GAREM2: variants seen among roughly 807,000 people sequenced by gnomAD.
GAREM2 encodes the protein GRB2-associated and regulator of MAPK protein 2.
Under a neutral mutation model 55.6 loss-of-function variants are expected in GAREM2, and 30 were observed. The observed-to-expected ratio is 0.54, with a 90% CI of 0.40 to 0.73. The LOEUF is 0.73. GAREM2 is among the 30% of genes least tolerant of loss of function. GAREM2 has a pLI of 0.00. For missense variants in GAREM2, 1,075 were observed against 1,257.7 expected (o/e 0.85, Z 2.20); for synonymous variants, 550 against 569.1 (o/e 0.97, Z 0.48).
downstream of GAREM2, chr2:26,191,184 T>G (rs1445171075): frequency 1.3e-6 from 2 of 1,498,748 alleles, no homozygotes; most frequent in African/African-American, 2.8e-5. Context: ...GACACCACTC[T>G]GTTGGAGAAC....
the GAREM2 span, among the ~76,000 whole-genome samples, chr2:26,197,140 T>G: frequency 2.6e-5 from 4 of 152,368 alleles, no homozygotes; most frequent in Admixed American, 1.3e-4. Context: ...TGAGTTGTTT[T>G]ACTTCTCTTT....
intron 2 of GAREM2, chr2:26,181,561 T>G (rs1445742876): frequency 6.6e-6 from 1 of 152,246 alleles, no homozygotes; most frequent in Non-Finnish European, 1.5e-5. Flanking sequence ...AGACTGTATT[T>G]TACACAGATT....
chr2:26,180,901 G>A (rs1435759280), intron 2 of GAREM2: 2 of 985,454 alleles, frequency 2.0e-6, no homozygotes, highest in Non-Finnish European at 2.4e-6. Flanking sequence ...ACAAGCGTGA[G>A]CCACCGTGCC....
rs537981003 is a variant in GAREM2 at position 26,188,078 on chromosome 2, C to A, written c.2446C>A (p.Arg816Ser). 7.1e-6 allele frequency: 11 copies of A among 1,548,582 alleles called. No individual in the cohort carries two copies. The East Asian group carries it at 2.7e-4, about 38-fold the overall frequency. ...LSALSLEEVS[R>S]SLRFIGLSED... ...TGCACTCTCCCTGGAGGAGGTCTCT[C>A]GCAGTCTGCGTTTCATCGGGCTCTC... is the stretch of plus-strand genomic sequence containing the variant. Residue 816 changes from arginine to serine, a missense_variant, in exon 6 of 6, where the codon CGC (arginine) becomes AGC (serine). Physicochemically the swap from Arg to Ser is moderately radical, Grantham distance 110. Transcript: ENST00000401533.
At chr2:26,182,042 T>C (rs1281265247) in intron 2 of GAREM2, 1 of 1,006,546 alleles carries the variant, frequency 9.9e-7, no homozygotes, top group Non-Finnish European at 1.2e-6. Flanking sequence ...CACCTATTCA[T>C]GGCTCTCTTC....
Position 26,184,573 on chromosome 2 carries a change from C to G in GAREM2, c.725C>G (p.Pro242Arg). 6.5e-7 allele frequency: 1 copy of G among 1,548,228 alleles called. No homozygotes were observed. The highest frequency in any genetic ancestry group is 8.7e-7 in the Non-Finnish European group (1 of 1,146,076). Reference protein sequence around the residue: ...QCQGRFSTRSPLELQMQEGEH... With the variant: ...QCQGRFSTRSRLELQMQEGEH... ...CAGGGCCGCTTCAGCACTCGCAGCCCGCTGGAGCTGCAGATGCAAGAGGGC... is the reference window on the plus strand; with the variant it reads ...CAGGGCCGCTTCAGCACTCGCAGCCGGCTGGAGCTGCAGATGCAAGAGGGC... Residue 242 changes from proline (P) to arginine (R), a missense_variant, in exon 4 of 6, where the codon CCG (proline) becomes CGG (arginine). Pro to Arg is a moderately radical substitution (Grantham distance 103). Transcript: ENST00000401533.
Position 26,187,799 on chromosome 2 carries a change from A to G in GAREM2, c.2167A>G (p.Arg723Gly), listed in dbSNP as rs561457600. Residue 723 changes from arginine (R) to glycine (G), a missense_variant, in exon 6 of 6, where the codon AGA becomes GGA. Arg to Gly is a moderately radical substitution (Grantham distance 125). Transcript: ENST00000401533. ...TGAGCTGCTGCGTTCTCAGGAGCCC[A>G]GAGCAGTGGGGACACCTGGGCCTGG... ...EPELLRSQEP[R>G]AVGTPGPGPR... 2 of 1,444,662 alleles carry G rather than the reference A, an allele frequency of 1.4e-6. No individual in the cohort carries two copies. The highest frequency in any genetic ancestry group is 3.0e-5 in the South Asian group (2 of 66,348). 89.5% of individuals were successfully genotyped at this position (1,444,662 alleles called of 1,614,324 possible).
At position 26,188,407 on chromosome 2, in the gene GAREM2, G is replaced by A; in HGVS notation, c.*150G>A. 1.8e-6 allele frequency: 1 copy of A among 558,424 alleles called. No homozygotes were observed. The highest frequency in any genetic ancestry group is 3.0e-6 in the Non-Finnish European group (1 of 338,330). The allele number at this position is 558,424 out of a possible 1,614,324, so 34.6% of individuals were successfully genotyped here. ...GGGTGGATCCAGGGGAGATGCATGT[G>A]GAAATGTGGTCCTCTGGGGTCAGAC... On this transcript the variant is annotated 3_prime_UTR_variant, in exon 6 of 6. Coordinates refer to ENST00000401533, the MANE Select transcript of GAREM2 (RefSeq NM_001168241.2).
At chr2:26,194,504 A>G (rs1192703773), downstream of GAREM2, 4 of 978,656 alleles carry the variant, frequency 4.1e-6, no homozygotes, top group African/African-American at 6.3e-5. Context: ...TTATCTTGAC[A>G]TCATGAGTTT....
At chr2:26,197,914 C>G in the GAREM2 span, 1 of 716,466 alleles carries the variant, frequency 1.4e-6, no homozygotes, top group South Asian at 1.4e-5. Context: ...TGTCACTCAC[C>G]CAGACATTGA....
the GAREM2 span, among the ~76,000 whole-genome samples, chr2:26,195,556 A>G: frequency 6.8e-6 from 1 of 146,130 alleles, no homozygotes; most frequent in East Asian, 2.2e-4. Flanking sequence ...CACTTATATT[A>G]ATGATACTGA....
At chr2:26,178,091 T>C (rs1668921383) in intron 2 of GAREM2, among the ~76,000 whole-genome samples, 1 of 152,212 alleles carries the variant, frequency 6.6e-6, no homozygotes, top group African/African-American at 2.4e-5. Flanking sequence ...TTCTGTCTTT[T>C]ACAGCCTGTG....
Position 26,173,280 on chromosome 2 carries a change from C to G in GAREM2, c.60C>G (p.Leu20=), listed in dbSNP as rs757433229. Residue 20 remains leucine, a synonymous_variant, in exon 1 of 6, where the codon CTC becomes CTG. Coordinates refer to ENST00000401533, the MANE Select transcript of GAREM2 (RefSeq NM_001168241.2). ...GCTGGAGCATGGGCGCCTTCCCGCT[C>G]GACCTCATCGTCAGCCGCTGCCGCC... ...GLRWSMGAFP[L]DLIVSRCRLP... 2.1e-6 allele frequency: 3 copies of G among 1,434,154 alleles called. No individual in the cohort carries two copies. The highest frequency in any genetic ancestry group is 1.8e-6 in the Non-Finnish European group (2 of 1,091,068). The allele number at this position is 1,434,154 out of a possible 1,614,324, so 88.8% of individuals were successfully genotyped here. A position where few individuals can be genotyped will look rare whatever the true frequency, so the allele number is the denominator to read the frequency against.
intron 1 of GAREM2, among the ~76,000 whole-genome samples, chr2:26,175,569 T>C (rs1176102674): frequency 6.6e-6 from 1 of 151,846 alleles, no homozygotes; most frequent in Non-Finnish European, 1.5e-5. Context: ...CGAGGTCCCC[T>C]TGACAAGGCA....
rs1669198710 is a variant in GAREM2, at chr2:26,185,100, C to A, written c.1252C>A (p.Pro418Thr). The stretch of plus-strand genomic sequence containing the variant: ...CGTGAGCCCCGACTGGGCAGCCGCG[C>A]CCGAGCCCGCCGCGCCGCCCGCCGA... The part of the protein sequence containing the change: ...EYVSPDWAAA[P>T]EPAAPPAEIP... Residue 418 changes from proline (P) to threonine (T), a missense_variant, in exon 4 of 6, where the codon CCC becomes ACC. Coordinates refer to ENST00000401533, the MANE Select transcript of GAREM2 (RefSeq NM_001168241.2). 4 of 1,435,394 alleles carry A rather than the reference C, an allele frequency of 2.8e-6. No individual in the cohort carries two copies. The South Asian group carries it at 5.6e-5, about 20-fold the overall frequency. The allele number at this position is 1,435,394 out of a possible 1,614,324, so 88.9% of individuals were successfully genotyped here. A position where few individuals can be genotyped will look rare whatever the true frequency, so the allele number is the denominator to read the frequency against.
downstream of GAREM2, chr2:26,191,091 A>AGAGAT (rs1669481726): frequency 2.8e-6 from 2 of 710,110 alleles, no homozygotes. Flanking sequence ...ACCAGGAGGG[A>AGAGAT]GAGATGGTCT....
chr2:26,186,204 C>G lies in GAREM2; in HGVS notation c.1444C>G (p.Arg482Gly). 1 of 1,523,702 alleles carries G rather than the reference C, an allele frequency of 6.6e-7. No homozygotes were observed. Among genetic ancestry groups the G allele is most frequent in the Non-Finnish European group, 8.8e-7 (1 of 1,133,174 alleles). 94.4% of individuals were successfully genotyped at this position (1,523,702 alleles called of 1,614,324 possible). A position where few individuals can be genotyped will look rare whatever the true frequency, so the allele number is the denominator to read the frequency against. ...CTGCTTGTAGGTGAAGGAGGAGTGC[C>G]GCCTGCTCAATGCCCCTCCAGTGCC... ...PKSEAVKEEC[R>G]LLNAPPVPPR... The change falls in exon 5 of 6, where the codon CGC (arginine) becomes GGC (glycine). Residue 482 changes from arginine to glycine, a missense_variant. Physicochemically the swap from Arg to Gly is moderately radical, Grantham distance 125. Around this residue, in one of 6 missense-constraint regions of GAREM2, gnomAD observed 515 missense variants for 501.5 expected, o/e 1.03. Coordinates refer to ENST00000401533, the MANE Select transcript of GAREM2 (RefSeq NM_001168241.2).
Position 26,187,867 on chromosome 2 carries a change from T to C in GAREM2, c.2235T>C (p.Pro745=). The C allele has an allele frequency of 7.0e-7, 1 of 1,438,492 alleles. No homozygotes were observed. Among genetic ancestry groups the C allele is most frequent in the East Asian group, 2.6e-5 (1 of 39,072 alleles). 89.1% of individuals were successfully genotyped at this position (1,438,492 alleles called of 1,614,324 possible). Residue 745 remains proline, a synonymous_variant, in exon 6 of 6, where the codon CCT becomes CCC. Transcript: ENST00000401533. ...TTGGCCCCTCCAAGGCCTTTGAGCC[T>C]GAAGGTTTGGTGCTGCACCAGGTCC... ...SPLGPSKAFE[P]EGLVLHQVPT... is the part of the protein sequence containing the mutation.
At chr2:26,193,288 G>T (rs13432513), downstream of GAREM2, among the ~76,000 whole-genome samples, 2,427 of 120,200 alleles carry the variant, frequency 0.02, 87 homozygotes, top group African/African-American at 0.076. Context: ...AGGTTCACAT[G>T]ACATCTTTTT....
Sources: gnomAD v4.1 joint callset for allele counts (sites outside exome capture counted in the v4.1 genomes callset) on GRCh38, gnomAD v4.1.1 for gene constraint, gnomAD v4.1.1 regional missense constraint, MANE v1.5 for transcripts, NCBI Gene and HGNC (gene_info 2026-07-23, HGNC 2026-07-21) for gene names.